SPOCK1: variants seen among roughly 807,000 people sequenced by gnomAD.
SPOCK1 encodes the protein testican-1.
SPOCK1 carries 23 observed loss-of-function variants against 55.3 expected under a neutral mutation model. That is an observed-to-expected ratio of 0.42 (90% CI 0.30 to 0.59). The LOEUF is 0.59. Ranked by LOEUF, SPOCK1 falls within the 20% of genes least tolerant of loss-of-function variation. The pLI is 0.22. For missense variants in SPOCK1, 499 were observed against 552.5 expected (o/e 0.90, Z 0.97); for synonymous variants, 226 against 221.0 (o/e 1.02, Z -0.20).
At chr5:137,397,068 G>C (rs1751866445) in intron 2 of SPOCK1, among the ~76,000 whole-genome samples, 1 of 152,180 alleles carries the variant, frequency 6.6e-6, no homozygotes, top group Admixed American at 6.5e-5. Context: ...GAGCAATTGA[G>C]GCAGGATCAG....
At chr5:137,063,896 T>C (rs181460517) in intron 6 of SPOCK1, among the ~76,000 whole-genome samples, 1 of 152,184 alleles carries the variant, frequency 6.6e-6, no homozygotes, top group African/African-American at 2.4e-5. Context: ...AACAGATCCA[T>C]GAAGAGAAGG....
At chr5:137,093,778 A>G (rs1196253558) in intron 5 of SPOCK1, among the ~76,000 whole-genome samples, 1 of 152,162 alleles carries the variant, frequency 6.6e-6, no homozygotes, top group African/African-American at 2.4e-5. Flanking sequence ...AGCACATTGG[A>G]AGCAGAAAAG....
At chr5:137,282,992 T>C (rs1025563843) in intron 2 of SPOCK1, among the ~76,000 whole-genome samples, 19 of 152,340 alleles carry the variant, frequency 1.2e-4, no homozygotes, top group African/African-American at 2.9e-4. Context: ...GAGAAGCCAC[T>C]TCACAATCCA....
At chr5:137,198,609 A>T (rs1179443903) in intron 3 of SPOCK1, among the ~76,000 whole-genome samples, 50 of 152,186 alleles carry the variant, frequency 3.3e-4, no homozygotes, top group Non-Finnish European at 2.9e-5. Flanking sequence ...TTTTTTGCTC[A>T]TCTCTGTCTA....
At chr5:137,498,987 G>A (rs1300723830) in intron 1 of SPOCK1, among the ~76,000 whole-genome samples, 192 bp downstream of exon 1, 1 of 152,098 alleles carries the variant, frequency 6.6e-6, no homozygotes, top group Non-Finnish European at 1.5e-5. Flanking sequence ...GGCAAGCGGG[G>A]TGGGGGCTGC....
chr5:137,234,137 G>T (rs903046570), intron 3 of SPOCK1, among the ~76,000 whole-genome samples: 29 of 152,162 alleles, frequency 1.9e-4, no homozygotes, highest in Admixed American at 1.6e-3. Flanking sequence ...AGCTCACAGG[G>T]ATAAAGAGGC....
chr5:137,361,604 A>T (rs1054538112), intron 2 of SPOCK1, among the ~76,000 whole-genome samples: 8 of 152,370 alleles, frequency 5.3e-5, no homozygotes, highest in African/African-American at 1.9e-4. Context: ...AAACATTTAC[A>T]CACGATTAGG....
intron 6 of SPOCK1, among the ~76,000 whole-genome samples, chr5:136,999,256 C>T (rs1751104322): frequency 6.6e-6 from 1 of 152,064 alleles, no homozygotes; most frequent in African/African-American, 2.4e-5. Flanking sequence ...AAGGGGAGCT[C>T]TAAGTTATTA....
At chr5:137,114,026 T>G (rs739929) in intron 4 of SPOCK1, among the ~76,000 whole-genome samples, 1 of 151,870 alleles carries the variant, frequency 6.6e-6, no homozygotes, top group Non-Finnish European at 1.5e-5. Flanking sequence ...CTCTAGCAAT[T>G]TGGGGGAGGT....
intron 2 of SPOCK1, among the ~76,000 whole-genome samples, chr5:137,406,217 C>G (rs531701878): frequency 6.6e-6 from 1 of 152,302 alleles, no homozygotes; most frequent in African/African-American, 2.4e-5. Flanking sequence ...ACAGTCATAC[C>G]TAGGGACACA....
chr5:137,461,053 C>T (rs184777987), intron 2 of SPOCK1, among the ~76,000 whole-genome samples: 26 of 152,270 alleles, frequency 1.7e-4, no homozygotes, highest in Admixed American at 1.4e-3. Flanking sequence ...AATATATGTA[C>T]GTGGTTGGTT....
At chr5:137,230,569 A>G (rs1247869329) in intron 3 of SPOCK1, among the ~76,000 whole-genome samples, 1 of 152,268 alleles carries the variant, frequency 6.6e-6, no homozygotes, top group Non-Finnish European at 1.5e-5. Flanking sequence ...GATATGTATT[A>G]AATTATTTCC....
At chr5:137,314,691 C>T (rs1757846133) in intron 2 of SPOCK1, among the ~76,000 whole-genome samples, 2 of 152,172 alleles carry the variant, frequency 1.3e-5, no homozygotes, top group African/African-American at 4.8e-5. Context: ...TATCGGTTTA[C>T]TGCCTGGCTC....
chr5:137,307,597 T>A (rs1757719829), intron 2 of SPOCK1, among the ~76,000 whole-genome samples: 1 of 152,204 alleles, frequency 6.6e-6, no homozygotes, highest in Non-Finnish European at 1.5e-5. Flanking sequence ...TGGCACATGA[T>A]GCTAAAATGC....
chr5:137,119,471 A>G lies in SPOCK1; in HGVS notation c.348-6910T>C, dbSNP rs563321939. 3.3e-5 allele frequency among the ~76,000 whole-genome samples: 5 copies of G among 152,344 alleles called. No individual in the cohort carries two copies. The South Asian group carries it at 8.3e-4, about 25-fold the overall frequency. ...TCATAAAATTACACAGGAAGAGCAT[A>G]ATGGCCTGTGTCATTTACAAAAGCA... On this transcript the variant is annotated intron_variant, in intron 4 of 10. Coordinates refer to ENST00000394945, the MANE Select transcript of SPOCK1 (RefSeq NM_004598.4).
chr5:137,458,450 G>T lies in SPOCK1; in HGVS notation c.186+39923C>A, dbSNP rs548901174. On this transcript the variant is annotated intron_variant, in intron 2 of 10. Transcript: ENST00000394945. ...TAAAATACAGAAAGTATTAAATACT[G>T]CCTGGGGCAACATCTTTAGCCCCTA... Among the ~76,000 whole-genome samples, 42 of 152,226 alleles carry T rather than the reference G, an allele frequency of 2.8e-4. No homozygotes were observed. The South Asian group carries it at 7.7e-3, about 28-fold the overall frequency.
At chr5:137,432,457 T>C (rs1752768521) in intron 2 of SPOCK1, among the ~76,000 whole-genome samples, 1 of 152,194 alleles carries the variant, frequency 6.6e-6, no homozygotes, top group African/African-American at 2.4e-5. Context: ...TGACACACCA[T>C]GAATGAATCC....
intron 3 of SPOCK1, among the ~76,000 whole-genome samples, chr5:137,152,395 A>C (rs912316171): frequency 3.9e-5 from 6 of 152,216 alleles, no homozygotes; most frequent in African/African-American, 1.4e-4. Context: ...CTATCATGCT[A>C]ATATAAAACA....
chr5:137,453,481 T>G (rs1753298499), intron 2 of SPOCK1, among the ~76,000 whole-genome samples: 1 of 151,076 alleles, frequency 6.6e-6, no homozygotes, highest in African/African-American at 2.4e-5. Flanking sequence ...GCCCAAAATA[T>G]CAAGGCACTG....
Sources: allele counts gnomAD v4.1 joint callset (sites outside exome capture counted in the v4.1 genomes callset), GRCh38; gene constraint gnomAD v4.1.1; transcripts MANE v1.5; gene names NCBI Gene and HGNC (gene_info 2026-07-23, HGNC 2026-07-21).